The following TENM3 variants were observed in gnomAD, a reference collection of about 807,000 sequenced individuals.
TENM3 encodes the protein teneurin-3.
In TENM3, 63 loss-of-function variants were observed where a neutral mutation model predicts 255.1. That is an observed-to-expected ratio of 0.25 (90% CI 0.20 to 0.30). The LOEUF is 0.30. Among genes scored for constraint, TENM3 ranks in the 10% least tolerant of loss-of-function variants. The pLI, the probability that TENM3 is intolerant of heterozygous loss-of-function variation, is 1.00. For synonymous variants in TENM3, 1,306 were observed against 1,322.3 expected, an observed-to-expected ratio of 0.99 and a Z score of 0.27; for missense variants, 2,929 against 3,461.1, an observed-to-expected ratio of 0.85 and a Z score of 3.86.
intron 3 of TENM3, among the ~76,000 whole-genome samples, chr4:182,561,204 G>A (rs1290184597): frequency 6.6e-6 from 1 of 151,870 alleles, no homozygotes; most frequent in Non-Finnish European, 1.5e-5. Flanking sequence ...TGGATTGGAT[G>A]ATGTTTGTAG....
At chr4:181,971,997 G>GAAGA in the TENM3 span, among the ~76,000 whole-genome samples, 11 of 148,884 alleles carry the variant, frequency 7.4e-5, no homozygotes, top group African/African-American at 2.8e-4. Flanking sequence ...TTCCATTCAG[G>GAAGA]AAGATTACTT....
At chr4:182,642,990 A>G (rs1333961600) in intron 5 of TENM3, among the ~76,000 whole-genome samples, 1 of 152,232 alleles carries the variant, frequency 6.6e-6, no homozygotes, top group East Asian at 1.9e-4. Flanking sequence ...ACGTATATGA[A>G]CACAGCAGGA....
rs1384451101 is a variant in TENM3 at position 182,673,132 on chromosome 4, A to G, written c.1239A>G (p.Pro413=). 1 of 1,613,810 alleles carries G rather than the reference A, an allele frequency of 6.2e-7. No individual in the cohort carries two copies. ...GATCACAGCTCTTCATTGATCAGCC[A>G]CAGTTTCTTAAATTCAATATCTCTC... ...FWRSQLFIDQ[P]QFLKFNISLQ... is the part of the protein sequence containing the mutation. Residue 413 remains proline, a synonymous_variant, in exon 7 of 28, where the codon CCA becomes CCG. Coordinates refer to ENST00000511685, the MANE Select transcript of TENM3 (RefSeq NM_001080477.4).
the TENM3 span, among the ~76,000 whole-genome samples, chr4:181,748,037 T>C: frequency 6.6e-6 from 1 of 152,068 alleles, no homozygotes; most frequent in Non-Finnish European, 1.5e-5. Flanking sequence ...CTAATCTGTT[T>C]TAGTAGAGGA....
At chr4:182,150,840 C>A (rs1367064364) in intron 1 of TENM3, among the ~76,000 whole-genome samples, 1 of 152,114 alleles carries the variant, frequency 6.6e-6, no homozygotes, top group Non-Finnish European at 1.5e-5. Context: ...TGTCTTCCTT[C>A]AGTCCGATTC....
At chr4:181,550,231 A>C in the TENM3 span, among the ~76,000 whole-genome samples, 28,316 of 152,188 alleles carry the variant, frequency 0.19, 3,286 homozygotes, top group African/African-American at 0.32. Context: ...TTTGGATTAT[A>C]ACATGAATTC....
intron 3 of TENM3, among the ~76,000 whole-genome samples, chr4:182,385,555 G>A (rs549733996): frequency 5.9e-5 from 9 of 152,200 alleles, no homozygotes; most frequent in South Asian, 2.1e-4. Flanking sequence ...GTGAGCCACC[G>A]CGCCCAGCCA....
chr4:182,517,029 AG>A (rs1252659754), intron 3 of TENM3, among the ~76,000 whole-genome samples: 1 of 152,200 alleles, frequency 6.6e-6, no homozygotes, highest in African/African-American at 2.4e-5. Context: ...AGGAATTTCA[AG>A]GCAGGTAATT....
At chr4:181,845,058 G>T in the TENM3 span, among the ~76,000 whole-genome samples, 1 of 152,146 alleles carries the variant, frequency 6.6e-6, no homozygotes, top group Admixed American at 6.5e-5. Context: ...TGATATTTAA[G>T]TATTGGGGAT....
chr4:182,438,994 A>C (rs1228905922), intron 3 of TENM3, among the ~76,000 whole-genome samples: 1 of 151,816 alleles, frequency 6.6e-6, no homozygotes, highest in Admixed American at 6.5e-5. Context: ...CCAGTGTCAA[A>C]ATCTACACGT....
intron 1 of TENM3, among the ~76,000 whole-genome samples, chr4:182,196,171 G>A (rs1753823236): frequency 6.6e-6 from 1 of 152,108 alleles, no homozygotes. Flanking sequence ...CCCGTGCGGA[G>A]TGAATGTACC....
At chr4:182,284,870 T>C (rs781534887) in intron 1 of TENM3, among the ~76,000 whole-genome samples, 2 of 152,198 alleles carry the variant, frequency 1.3e-5, no homozygotes, top group African/African-American at 4.8e-5. Context: ...CTATTAAGCA[T>C]CAAAGGAATC....
At chr4:181,488,148 C>G in the TENM3 span, among the ~76,000 whole-genome samples, 1 of 152,204 alleles carries the variant, frequency 6.6e-6, no homozygotes, top group Admixed American at 6.5e-5. Context: ...CTTAACTTCT[C>G]TGAGATCTGT....
At chr4:181,704,849 A>C in the TENM3 span, among the ~76,000 whole-genome samples, 1 of 152,084 alleles carries the variant, frequency 6.6e-6, no homozygotes, top group Non-Finnish European at 1.5e-5. Flanking sequence ...CCTGACCAAC[A>C]TGGTGAAACC....
At chr4:181,938,349 A>G in the TENM3 span, among the ~76,000 whole-genome samples, 1 of 152,204 alleles carries the variant, frequency 6.6e-6, no homozygotes, top group South Asian at 2.1e-4. Flanking sequence ...TACCAACTGT[A>G]CTAATTAATT....
At chr4:181,456,380 G>T in the TENM3 span, among the ~76,000 whole-genome samples, 2 of 151,742 alleles carry the variant, frequency 1.3e-5, no homozygotes, top group Non-Finnish European at 2.9e-5. Flanking sequence ...TTGTTCTGAT[G>T]TTGACATAAC....
At chr4:181,975,134 T>A in the TENM3 span, 5 of 118,030 alleles carry the variant, frequency 4.2e-5, no homozygotes, top group East Asian at 1.2e-3. Context: ...GTGGAGTAGC[T>A]CTTTTTTTTT....
At chr4:182,796,843 T>C (rs1766527734) in intron 27 of TENM3, 76 bp downstream of exon 27, 1 of 1,149,210 alleles carries the variant, frequency 8.7e-7, no homozygotes, top group Non-Finnish European at 1.2e-6. Flanking sequence ...CAAACTACCC[T>C]TGTGAAAACT....
chr4:182,621,695 TTATATATAAAA>T (rs1561016259), intron 4 of TENM3, among the ~76,000 whole-genome samples: 9 of 5,366 alleles, frequency 1.7e-3, no homozygotes, highest in Non-Finnish European at 2.2e-3. Context: ...ATAATATATA[TTATATATAAAA>T]TATATAATAT....
Sources: gnomAD v4.1 joint callset for allele counts (sites outside exome capture counted in the v4.1 genomes callset) on GRCh38, gnomAD v4.1.1 for gene constraint, MANE v1.5 for transcripts, NCBI Gene and HGNC (gene_info 2026-07-23, HGNC 2026-07-21) for gene names.